The following KLF12 variants were observed in gnomAD, a reference collection of about 807,000 sequenced individuals.
KLF12 encodes Krueppel-like factor 12.
Under a neutral mutation model 37.8 loss-of-function variants are expected in KLF12, and 9 were observed. The observed-to-expected ratio is 0.24, with a 90% CI of 0.14 to 0.42. The LOEUF (loss-of-function observed/expected upper bound fraction) is 0.42, where lower values mean the gene tolerates loss of function less well. KLF12 is among the 10% of genes least tolerant of loss of function. The pLI, the probability that KLF12 is intolerant of heterozygous loss-of-function variation, is 1.00. For synonymous variants in KLF12, 208 were observed against 202.1 expected (o/e 1.03, Z -0.25); for missense variants, 411 against 516.0 (o/e 0.80, Z 1.97).
At chr13:73,724,449 C>G (rs1338820857) in intron 6 of KLF12, among the ~76,000 whole-genome samples, 4 of 152,086 alleles carry the variant, frequency 2.6e-5, no homozygotes, top group African/African-American at 9.7e-5. Context: ...TTATATAAAT[C>G]AGACCAAGTA....
At chr13:74,293,252 A>G in the KLF12 span, among the ~76,000 whole-genome samples, 18 of 152,318 alleles carry the variant, frequency 1.2e-4, no homozygotes, top group South Asian at 4.1e-4. Flanking sequence ...CTGGGCCAGA[A>G]GAGATTCCAG....
At chr13:73,793,113 C>T (rs561394029) in intron 5 of KLF12, among the ~76,000 whole-genome samples, 1 of 152,202 alleles carries the variant, frequency 6.6e-6, no homozygotes, top group South Asian at 2.1e-4. Flanking sequence ...ATAAAAAGAG[C>T]GATAACAGGA....
chr13:73,849,980 A>G (rs963299262), intron 3 of KLF12, among the ~76,000 whole-genome samples: 2 of 152,194 alleles, frequency 1.3e-5, no homozygotes, highest in Non-Finnish European at 2.9e-5. Context: ...ATTTTTGTCA[A>G]AGAGGAGAGT....
the KLF12 span, among the ~76,000 whole-genome samples, chr13:74,280,778 G>A: frequency 6.6e-6 from 1 of 151,014 alleles, no homozygotes. Flanking sequence ...AACAGATGAC[G>A]AACTGTATGT....
intron 5 of KLF12, among the ~76,000 whole-genome samples, chr13:73,772,411 G>T (rs1880327361): frequency 6.6e-6 from 1 of 152,160 alleles, no homozygotes; most frequent in Non-Finnish European, 1.5e-5. Flanking sequence ...CAGCTGCAGT[G>T]GCAGATAAAC....
chr13:73,889,902 C>G (rs1887420223), intron 3 of KLF12, among the ~76,000 whole-genome samples: 1 of 152,038 alleles, frequency 6.6e-6, no homozygotes, highest in Non-Finnish European at 1.5e-5. Flanking sequence ...CAAAGTAGTT[C>G]TGCATTTTTA....
intron 6 of KLF12, among the ~76,000 whole-genome samples, chr13:73,756,880 C>T (rs746567107): frequency 3.9e-5 from 6 of 152,118 alleles, no homozygotes; most frequent in African/African-American, 1.4e-4. Context: ...GCTCCCTGGA[C>T]CCTGGGTGCT....
the KLF12 span, among the ~76,000 whole-genome samples, chr13:74,207,361 A>G: frequency 2.0e-5 from 3 of 152,180 alleles, no homozygotes; most frequent in Non-Finnish European, 4.4e-5. Flanking sequence ...AATTGTCCTC[A>G]TTGCTTAGGA....
chr13:74,226,400 G>A, the KLF12 span, among the ~76,000 whole-genome samples: 5 of 152,168 alleles, frequency 3.3e-5, no homozygotes, highest in African/African-American at 1.2e-4. Context: ...AAGACAGTAA[G>A]GGAATAGGTT....
the KLF12 span, among the ~76,000 whole-genome samples, chr13:74,267,618 T>G: frequency 6.6e-6 from 1 of 152,096 alleles, no homozygotes; most frequent in Non-Finnish European, 1.5e-5. Context: ...GGTTGGTTAA[T>G]GGGTACAAAA....
the KLF12 span, among the ~76,000 whole-genome samples, chr13:74,300,387 G>T: frequency 6.6e-6 from 1 of 152,100 alleles, no homozygotes; most frequent in African/African-American, 2.4e-5. Context: ...ACAAGAATGG[G>T]GTTGTTAAAG....
intron 3 of KLF12, among the ~76,000 whole-genome samples, chr13:73,909,767 T>C (rs947721415): frequency 6.6e-6 from 1 of 152,234 alleles, no homozygotes; most frequent in African/African-American, 2.4e-5. Context: ...AAATATCTAT[T>C]AATCTTCTTG....
chr13:74,206,403 A>C, the KLF12 span, among the ~76,000 whole-genome samples: 1 of 152,172 alleles, frequency 6.6e-6, no homozygotes, highest in Non-Finnish European at 1.5e-5. Flanking sequence ...CAACAGACTC[A>C]TTCAGTTCCA....
At chr13:74,104,902 C>T (rs1478470297) in intron 1 of KLF12, among the ~76,000 whole-genome samples, 1 of 152,136 alleles carries the variant, frequency 6.6e-6, no homozygotes, top group Non-Finnish European at 1.5e-5. Flanking sequence ...CCCCCTCCCC[C>T]GCGATGTATA....
intron 5 of KLF12, among the ~76,000 whole-genome samples, chr13:73,810,117 C>A (rs1882848167): frequency 6.6e-6 from 1 of 152,028 alleles, no homozygotes. Context: ...TGGTGGCAGG[C>A]ACCTTTAATC....
At chr13:73,733,961 A>G (rs1364131179) in intron 6 of KLF12, among the ~76,000 whole-genome samples, 2 of 152,214 alleles carry the variant, frequency 1.3e-5, no homozygotes. Flanking sequence ...AGTCTTTATC[A>G]TCACCTATAA....
intron 6 of KLF12, among the ~76,000 whole-genome samples, chr13:73,755,405 T>C (rs1384781764): frequency 1.3e-5 from 2 of 152,180 alleles, no homozygotes; most frequent in Admixed American, 6.5e-5. Context: ...ATGTAATGTA[T>C]TGAACTGCAG....
chr13:74,188,694 C>A, the KLF12 span, among the ~76,000 whole-genome samples: 33 of 151,964 alleles, frequency 2.2e-4, no homozygotes, highest in Admixed American at 6.6e-5. Flanking sequence ...AATAGGTATT[C>A]AGCTTAAAAA....
chr13:74,098,149 G>A (rs1351505757), intron 1 of KLF12, among the ~76,000 whole-genome samples: 6 of 152,074 alleles, frequency 3.9e-5, no homozygotes, highest in Admixed American at 2.0e-4. Flanking sequence ...AACCATTTCG[G>A]CCATAATAAT....
Sources: allele counts gnomAD v4.1 joint callset (sites outside exome capture counted in the v4.1 genomes callset), GRCh38; gene constraint gnomAD v4.1.1; transcripts MANE v1.5; gene names NCBI Gene and HGNC (gene_info 2026-07-23, HGNC 2026-07-21).